Variants in NUP35 observed in about 807,000 individuals in gnomAD.
NUP35 encodes the protein nucleoporin NUP35.
In NUP35, 25 loss-of-function variants were observed where a neutral mutation model predicts 41.5. That is an observed-to-expected ratio of 0.60 (90% CI 0.44 to 0.84). The LOEUF is 0.84. NUP35 is among the 40% of genes least tolerant of loss of function. The pLI is 0.00. For synonymous variants in NUP35, 149 were observed against 130.7 expected, an observed-to-expected ratio of 1.14 and a Z score of -0.96; for missense variants, 396 against 396.6, an observed-to-expected ratio of 1.00 and a Z score of 0.01.
intron 4 of NUP35, among the ~76,000 whole-genome samples, chr2:183,141,833 A>G (rs16824045): frequency 0.035 from 5,342 of 152,276 alleles, 293 homozygotes; most frequent in African/African-American, 0.12. Flanking sequence ...GTGTATGACA[A>G]TCATCCTAGG....
At chr2:183,159,124 G>T (rs527730169) in intron 7 of NUP35, among the ~76,000 whole-genome samples, 1 of 152,304 alleles carries the variant, frequency 6.6e-6, no homozygotes, top group Non-Finnish European at 1.5e-5. Context: ...GAGGCCAGAA[G>T]AATATTTGGG....
intron 2 of NUP35, among the ~76,000 whole-genome samples, chr2:183,128,989 A>T (rs1684599126): frequency 6.6e-6 from 1 of 152,206 alleles, no homozygotes; most frequent in Non-Finnish European, 1.5e-5. Flanking sequence ...CATTTTTTGT[A>T]AAATTTCTGT....
chr2:183,128,214 G>A (rs967759828), intron 1 of NUP35, 73 bp from the exon 2 acceptor site: 17 of 1,200,262 alleles, frequency 1.4e-5, no homozygotes, highest in Non-Finnish European at 1.9e-5. Flanking sequence ...TTAGATTCTT[G>A]CATGTTTTTG....
upstream of NUP35, among the ~76,000 whole-genome samples, chr2:183,122,518 T>A (rs1056068965): frequency 6.6e-6 from 1 of 152,264 alleles, no homozygotes; most frequent in African/African-American, 2.4e-5. Context: ...CTTTTTTTCA[T>A]TATATCTATC....
At chr2:183,137,233 C>T (rs2105565216) in intron 4 of NUP35, among the ~76,000 whole-genome samples, 1 of 152,272 alleles carries the variant, frequency 6.6e-6, no homozygotes, top group Non-Finnish European at 1.5e-5. Flanking sequence ...CAGCCTTAAG[C>T]TGATCAAACT....
intron 8 of NUP35, chr2:183,159,863 T>C (rs1685808059): frequency 4.4e-6 from 2 of 458,736 alleles, no homozygotes; most frequent in East Asian, 3.8e-5. Flanking sequence ...AAAAAATTAT[T>C]TGCCATTCCT....
chr2:183,137,426 A>AT (rs147861874), intron 4 of NUP35, among the ~76,000 whole-genome samples: 1 of 152,054 alleles, frequency 6.6e-6, no homozygotes, highest in Non-Finnish European at 1.5e-5. Flanking sequence ...ACAAAAAAAA[A>AT]TTTTTTAAAT....
intron 7 of NUP35, among the ~76,000 whole-genome samples, chr2:183,158,919 A>T (rs908162332): frequency 2.0e-5 from 3 of 152,164 alleles, no homozygotes; most frequent in African/African-American, 7.2e-5. Context: ...TACAATTTAA[A>T]CTGTTCTTTG....
intron 4 of NUP35, among the ~76,000 whole-genome samples, chr2:183,138,729 T>TC (rs1190776069): frequency 3.9e-5 from 6 of 152,196 alleles, no homozygotes; most frequent in Admixed American, 2.0e-4. Context: ...CTTGAGAAGT[T>TC]CTTTCACTTA....
intron 8 of NUP35, chr2:183,160,275 T>G (rs1016122222): frequency 2.6e-5 from 4 of 152,236 alleles, no homozygotes; most frequent in Non-Finnish European, 4.4e-5. Flanking sequence ...TAGTGGTAGT[T>G]CAGTTTTTTG....
At chr2:183,147,288 C>T (rs1685314188) in intron 4 of NUP35, among the ~76,000 whole-genome samples, 1 of 152,098 alleles carries the variant, frequency 6.6e-6, no homozygotes, top group South Asian at 2.1e-4. Context: ...GGCCAATGTC[C>T]AGAAGAGGTT....
At chr2:183,127,594 AAAAG>A (rs1311233180) in intron 1 of NUP35, among the ~76,000 whole-genome samples, 1 of 152,236 alleles carries the variant, frequency 6.6e-6, no homozygotes, top group African/African-American at 2.4e-5. Context: ...ATGGGGAAGA[AAAAG>A]AAACAATTTA....
intron 4 of NUP35, among the ~76,000 whole-genome samples, chr2:183,151,225 G>A (rs1444023871): frequency 6.6e-6 from 1 of 152,160 alleles, no homozygotes; most frequent in Non-Finnish European, 1.5e-5. Context: ...GAGGTTGCCT[G>A]GGATATCCTT....
intron 4 of NUP35, among the ~76,000 whole-genome samples, chr2:183,138,269 A>ATTTT (rs147315571): frequency 1.2e-4 from 10 of 80,690 alleles, no homozygotes; most frequent in African/African-American, 6.2e-4. Context: ...ATATATATAT[A>ATTTT]TTTTTTTTTT....
At chr2:183,118,135 C>T (rs1700014258) in intron 1 of NUP35, among the ~76,000 whole-genome samples, 2 of 152,200 alleles carry the variant, frequency 1.3e-5, no homozygotes, top group South Asian at 4.1e-4. Flanking sequence ...AATCAATGGT[C>T]TACAAAAATA....
At chr2:183,121,831 A>C (rs150685359), upstream of NUP35, among the ~76,000 whole-genome samples, 5,343 of 151,744 alleles carry the variant, frequency 0.035, 289 homozygotes, top group African/African-American at 0.12. Flanking sequence ...ACTACATCTC[A>C]AAATAAATAA....
intron 4 of NUP35, among the ~76,000 whole-genome samples, chr2:183,142,832 T>G (rs1685144538): frequency 6.6e-6 from 1 of 151,936 alleles, no homozygotes; most frequent in African/African-American, 2.4e-5. Flanking sequence ...CTTTTTGTTG[T>G]TGTCCTTTGA....
At chr2:183,139,834 T>C (rs1006141) in intron 4 of NUP35, among the ~76,000 whole-genome samples, 124,573 of 151,862 alleles carry the variant, frequency 0.82, 51,562 homozygotes, top group African/African-American at 0.89. Flanking sequence ...TTTTGGACTT[T>C]GGGCCTCCAT....
chr2:183,139,765 C>CAAGCAGT (rs1323601252), intron 4 of NUP35, among the ~76,000 whole-genome samples: 1 of 152,202 alleles, frequency 6.6e-6, no homozygotes. Flanking sequence ...AGGCAAGCGG[C>CAAGCAGT]AAGCAGTGGA....
Sources: allele counts gnomAD v4.1 joint callset (sites outside exome capture counted in the v4.1 genomes callset), GRCh38; gene constraint gnomAD v4.1.1; transcripts MANE v1.5; gene names NCBI Gene and HGNC (gene_info 2026-07-23, HGNC 2026-07-21).